Variants in CCDC169 observed in about 807,000 individuals in gnomAD.
CCDC169 encodes the protein coiled-coil domain-containing protein 169.
Under a neutral mutation model 36.0 loss-of-function variants are expected in CCDC169, and 30 were observed. The ratio of observed to expected loss-of-function variants is 0.83; its 90% confidence interval spans 0.62 to 1.13. CCDC169 has a LOEUF of 1.13. Among genes scored for constraint, CCDC169 ranks in the 50% most tolerant of loss-of-function variants. The pLI, the probability that CCDC169 is intolerant of heterozygous loss-of-function variation, is 0.00. For synonymous variants in CCDC169, 85 were observed against 81.5 expected, an observed-to-expected ratio of 1.04 and a Z score of -0.23; for missense variants, 245 against 245.9, an observed-to-expected ratio of 1.00 and a Z score of 0.03.
At chr13:36,278,814 C>T (rs1451252328) in intron 4 of CCDC169, among the ~76,000 whole-genome samples, 1 of 152,140 alleles carries the variant, frequency 6.6e-6, no homozygotes, top group Non-Finnish European at 1.5e-5. Context: ...TCTCTGTTTT[C>T]AGAGAAGCAA....
intron 2 of CCDC169, among the ~76,000 whole-genome samples, chr13:36,286,747 A>G (rs911017597): frequency 1.3e-5 from 2 of 152,032 alleles, no homozygotes; most frequent in Admixed American, 1.3e-4. Flanking sequence ...TTGACTGGTG[A>G]CTTGAGGAAA....
In CCDC169 at chr13:36,283,615, TC is replaced by T; in HGVS notation, c.250del (p.Glu84LysfsTer25). 6.4e-7 allele frequency: 1 copy of T among 1,551,370 alleles called. No homozygotes were observed. Among genetic ancestry groups the T allele is most frequent in the Middle Eastern group, 1.7e-4 (1 of 5,986 alleles). On this transcript the variant is annotated frameshift_variant, in exon 3 of 8. Coordinates refer to ENST00000239859, the MANE Select transcript of CCDC169 (RefSeq NM_001144981.3). LOFTEE classifies it high-confidence loss of function. The part of the protein sequence containing the change: ...KQIVYLKEKV[E>X]KIHGNSSDRL... ...ACCTGAAGAGTTTCCATGGATTTTT[TC>T]CACTTTCTCCTTGAGATAAACAATT...
chr13:36,276,931 T>C (rs1276181667), intron 4 of CCDC169, among the ~76,000 whole-genome samples: 1 of 152,170 alleles, frequency 6.6e-6, no homozygotes, highest in Non-Finnish European at 1.5e-5. Context: ...CAGGCCTTAC[T>C]CCAGACCTAC....
At chr13:36,264,770 G>C (rs9565991) in intron 4 of CCDC169, among the ~76,000 whole-genome samples, 38,730 of 151,978 alleles carry the variant, frequency 0.25, 5,218 homozygotes, top group East Asian at 0.49. Context: ...TCAAAAACTA[G>C]CTATGAAGCA....
intron 4 of CCDC169, chr13:36,282,979 A>G (rs1270246670): frequency 6.5e-6 from 1 of 154,536 alleles, no homozygotes; most frequent in Non-Finnish European, 1.4e-5. Context: ...CCTGCAATTA[A>G]GAAAAGGCAC....
intron 1 of CCDC169, among the ~76,000 whole-genome samples, chr13:36,296,537 A>T (rs1879508322): frequency 1.3e-5 from 2 of 152,272 alleles, no homozygotes; most frequent in African/African-American, 2.4e-5. Context: ...ACTGAAACAA[A>T]GAGAAAAAAA....
At chr13:36,260,422 T>C (rs1594041909) in intron 4 of CCDC169, among the ~76,000 whole-genome samples, 1 of 152,170 alleles carries the variant, frequency 6.6e-6, no homozygotes, top group Non-Finnish European at 1.5e-5. Flanking sequence ...GGAAAAAGTG[T>C]ATGGCACTTT....
intron 6 of CCDC169, among the ~76,000 whole-genome samples, chr13:36,252,096 A>G (rs1241060356): frequency 6.6e-6 from 1 of 152,140 alleles, no homozygotes; most frequent in Non-Finnish European, 1.5e-5. Context: ...TCTTTTCATC[A>G]TGTCATGGCC....
At chr13:36,237,122 AT>A (rs1294636042) in intron 7 of CCDC169, among the ~76,000 whole-genome samples, 1 of 151,992 alleles carries the variant, frequency 6.6e-6, no homozygotes, top group Non-Finnish European at 1.5e-5. Flanking sequence ...AGTTGGTTGA[AT>A]TCATGGATGC....
chr13:36,290,583 C>T (rs1878758105), intron 2 of CCDC169, among the ~76,000 whole-genome samples: 1 of 152,064 alleles, frequency 6.6e-6, no homozygotes, highest in Non-Finnish European at 1.5e-5. Flanking sequence ...TAAGACCCTC[C>T]AAATCAAGGA....
chr13:36,283,214 GA>G (rs1877752056), intron 4 of CCDC169: 1 of 462,768 alleles, frequency 2.2e-6, no homozygotes. Flanking sequence ...ATCTTTCTCT[GA>G]AGGTTGGCGG....
At chr13:36,283,328 T>C (rs575233987) in intron 4 of CCDC169, 141 bp downstream of exon 4, 2 of 774,044 alleles carry the variant, frequency 2.6e-6, no homozygotes, top group South Asian at 3.7e-5. Flanking sequence ...AATTATTTGT[T>C]GTCCTTCAAA....
downstream of CCDC169, among the ~76,000 whole-genome samples, chr13:36,227,725 T>A (rs182455887): frequency 4.5e-4 from 69 of 152,298 alleles, no homozygotes; most frequent in Non-Finnish European, 8.8e-4. Flanking sequence ...ATAGTTTTCA[T>A]TAGTTTCACA....
intron 4 of CCDC169, among the ~76,000 whole-genome samples, chr13:36,269,493 T>A (rs1048111346): frequency 1.3e-5 from 2 of 152,076 alleles, no homozygotes; most frequent in African/African-American, 4.8e-5. Context: ...CAGACCAATT[T>A]CCCTGATGAA....
chr13:36,253,929 TG>T, intron 5 of CCDC169, 73 bp from the exon 6 acceptor site: 6 of 1,539,846 alleles, frequency 3.9e-6, no homozygotes, highest in Non-Finnish European at 5.3e-6. Flanking sequence ...TAAGTTAAGG[TG>T]TATGTCTCTA....
chr13:36,273,217 G>T (rs972567376), intron 4 of CCDC169, among the ~76,000 whole-genome samples: 1 of 151,962 alleles, frequency 6.6e-6, no homozygotes, highest in African/African-American at 2.4e-5. Flanking sequence ...TAGGCCCCTG[G>T]GTGCCTATTC....
intron 4 of CCDC169, among the ~76,000 whole-genome samples, chr13:36,261,911 A>G (rs1874657153): frequency 6.6e-6 from 1 of 152,218 alleles, no homozygotes; most frequent in Admixed American, 6.5e-5. Flanking sequence ...ATTTTAGCCC[A>G]GTAGACCCAG....
chr13:36,280,167 G>A (rs1877326445), intron 4 of CCDC169: 1 of 152,062 alleles, frequency 6.6e-6, no homozygotes, highest in Non-Finnish European at 1.5e-5. Flanking sequence ...AACATGTAGA[G>A]AGATATTAAA....
intron 4 of CCDC169, among the ~76,000 whole-genome samples, chr13:36,276,346 T>A (rs1876827945): frequency 6.6e-6 from 1 of 152,208 alleles, no homozygotes; most frequent in African/African-American, 2.4e-5. Context: ...TATTAAAATG[T>A]TACTAAATAA....
Sources: gnomAD v4.1 joint callset for allele counts (sites outside exome capture counted in the v4.1 genomes callset) on GRCh38, gnomAD v4.1.1 for gene constraint, MANE v1.5 for transcripts, NCBI Gene and HGNC (gene_info 2026-07-23, HGNC 2026-07-21) for gene names.